The following CD86 variants were observed in gnomAD, a reference collection of about 807,000 sequenced individuals.
CD86 encodes T-lymphocyte activation antigen CD86.
Under a neutral mutation model 32.1 loss-of-function variants are expected in CD86, and 11 were observed. That is an observed-to-expected ratio of 0.34 (90% confidence interval 0.22 to 0.57). The LOEUF is 0.57. Ranked by LOEUF, CD86 falls within the 20% of genes least tolerant of loss-of-function variation. CD86 has a pLI of 0.86. For synonymous variants in CD86, 137 were observed against 135.3 expected (o/e 1.01, Z -0.09); for missense variants, 359 against 398.4 (o/e 0.90, Z 0.84).
At chr3:122,113,538 A>G (rs1338913264) in intron 5 of CD86, among the ~76,000 whole-genome samples, 1 of 152,152 alleles carries the variant, frequency 6.6e-6, no homozygotes, top group Non-Finnish European at 1.5e-5. Context: ...TTTTTTAATA[A>G]TGGCCATTCT....
At position 122,065,507 on chromosome 3, in the gene CD86, A is replaced by T. The variant is rs75158333; in HGVS notation, c.14+10004A>T. 6.6e-4 allele frequency among the ~76,000 whole-genome samples: 100 copies of T among 152,360 alleles called. 1 individual carries two copies. In the East Asian group the frequency reaches 0.017, roughly 25 times the overall value. On this transcript the variant is annotated intron_variant, in intron 1 of 6. Transcript: ENST00000330540. ...CTGGAGAATTAGAATATCTAGTAACAGTGTGCTAATAATCCCACATGGTAA... is the reference window on the plus strand; with the variant it reads ...CTGGAGAATTAGAATATCTAGTAACTGTGTGCTAATAATCCCACATGGTAA...
In CD86 at chr3:122,110,206, C is replaced by T. The variant is rs1030404624; in HGVS notation, c.847+798C>T. ...TGCAAGATATTCCCTTTTGTGGATA[C>T]ACCATAATTTATTTATTTAACCAAC... On this transcript the variant is annotated intron_variant, in intron 5 of 6. Transcript: ENST00000330540. 6.6e-5 allele frequency among the ~76,000 whole-genome samples: 10 copies of T among 152,330 alleles called. 1 individual carries two copies. Among genetic ancestry groups the T allele is most frequent in the Middle Eastern group, 3.4e-3 (1 of 294 alleles).
At chr3:122,085,185 A>C (rs2072696744) in intron 1 of CD86, among the ~76,000 whole-genome samples, 1 of 152,224 alleles carries the variant, frequency 6.6e-6, no homozygotes, top group Non-Finnish European at 1.5e-5. Context: ...ATGAGTAATA[A>C]CTGTATCAAT....
At chr3:122,096,930 G>C (rs2072917504) in intron 2 of CD86, among the ~76,000 whole-genome samples, 2 of 152,184 alleles carry the variant, frequency 1.3e-5, no homozygotes, top group African/African-American at 2.4e-5. Context: ...TTGTGCACAT[G>C]TATCTTTTTG....
intron 4 of CD86, 68 bp from the exon 5 acceptor site, chr3:122,109,197 A>G (rs1326945996): frequency 6.6e-7 from 1 of 1,513,442 alleles, no homozygotes; most frequent in East Asian, 2.3e-5. Context: ...AATAAAGAGA[A>G]GAGCAGCTAG....
In CD86 at chr3:122,109,559, T is replaced by C; in HGVS notation, c.847+151T>C. 3 of 811,458 alleles carry C rather than the reference T, an allele frequency of 3.7e-6. No individual in the cohort carries two copies. The South Asian group carries it at 4.6e-5, about 13-fold the overall frequency. 50.3% of individuals were successfully genotyped at this position (811,458 alleles called of 1,614,324 possible). On this transcript the variant is annotated intron_variant, in intron 5 of 6. Coordinates refer to ENST00000330540, the MANE Select transcript of CD86 (RefSeq NM_175862.5). Reference sequence around the variant, plus strand: ...AGGTTTTCCCTTGGAGTTTTGAGCCTATACAGACTGGCAGTAGCAGATAAT... The same window carrying C: ...AGGTTTTCCCTTGGAGTTTTGAGCCCATACAGACTGGCAGTAGCAGATAAT...
chr3:122,057,633 G>T (rs115989130), intron 1 of CD86, among the ~76,000 whole-genome samples: 3,833 of 152,114 alleles, frequency 0.025, 79 homozygotes, highest in Middle Eastern at 0.037. Flanking sequence ...ACAATAGCTG[G>T]TTTTTTTCAG....
chr3:122,101,199 C>T (rs1183642815), intron 2 of CD86, among the ~76,000 whole-genome samples: 1 of 151,960 alleles, frequency 6.6e-6, no homozygotes, highest in Non-Finnish European at 1.5e-5. Context: ...GAGACAGAGG[C>T]AGAGATTCTC....
At chr3:122,102,550 G>C (rs1453779060) in intron 2 of CD86, among the ~76,000 whole-genome samples, 1 of 149,896 alleles carries the variant, frequency 6.7e-6, no homozygotes, top group African/African-American at 2.5e-5. Flanking sequence ...GTGTCCTCAA[G>C]GACTAAAGCC....
rs114806595 is a variant in CD86 at position 122,099,245 on chromosome 3, C to T, written c.65-4267C>T. ...ATGCCAACACTTGCATTTGACACAGCGGTCAAATGAGTTGAGATCTGAAAA... is the reference window on the plus strand; with the variant it reads ...ATGCCAACACTTGCATTTGACACAGTGGTCAAATGAGTTGAGATCTGAAAA... On this transcript the variant is annotated intron_variant, in intron 2 of 6. Coordinates refer to ENST00000330540, the MANE Select transcript of CD86 (RefSeq NM_175862.5). Among the ~76,000 whole-genome samples, 501 of 149,774 alleles carry T rather than the reference C, an allele frequency of 3.3e-3. 3 individuals carry two copies. The highest frequency in any genetic ancestry group is 0.01 in the African/African-American group (423 of 40,710).
chr3:122,060,650 A>T (rs2072319893), intron 1 of CD86, among the ~76,000 whole-genome samples: 1 of 152,322 alleles, frequency 6.6e-6, no homozygotes, highest in African/African-American at 2.4e-5. Context: ...AAATTAAAAA[A>T]AAAGGCTAAC....
intron 2 of CD86, chr3:122,091,991 G>T (rs2072831614): frequency 1.4e-5 from 3 of 221,684 alleles, no homozygotes; most frequent in Non-Finnish European, 2.7e-5. Flanking sequence ...TGACTCTTTT[G>T]TTCCACACAT....
rs930483312 is a variant in CD86 at position 122,120,085 on chromosome 3, A to G, written c.*551A>G. 6.6e-6 allele frequency: 1 copy of G among 152,528 alleles called. No individual in the cohort carries two copies. The highest frequency in any genetic ancestry group is 2.4e-5 in the African/African-American group (1 of 41,428). 9.4% of individuals were successfully genotyped at this position (152,528 alleles called of 1,614,324 possible). On this transcript the variant is annotated 3_prime_UTR_variant, in exon 7 of 7. Transcript: ENST00000330540. ...ATTACTATGCTCTAGAGAAAAGTCT[A>G]CCCCTGCTAAGGAGTTCTCATCCCT...
At chr3:122,115,464 A>G (rs542736284) in intron 5 of CD86, among the ~76,000 whole-genome samples, 4 of 152,320 alleles carry the variant, frequency 2.6e-5, no homozygotes, top group South Asian at 2.1e-4. Flanking sequence ...TGTAATCACA[A>G]TCAAAATCCT....
chr3:122,098,603 G>A (rs1450852686), intron 2 of CD86, among the ~76,000 whole-genome samples: 4 of 152,208 alleles, frequency 2.6e-5, no homozygotes. Flanking sequence ...CTGAACAGGA[G>A]GATTATGTGA....
chr3:122,071,182 T>C (rs1414186562), intron 1 of CD86, among the ~76,000 whole-genome samples: 2 of 152,158 alleles, frequency 1.3e-5, no homozygotes, highest in Non-Finnish European at 2.9e-5. Flanking sequence ...GTTGTACAGT[T>C]CTATGGATTT....
intron 5 of CD86, among the ~76,000 whole-genome samples, chr3:122,114,227 G>C (rs917614036): frequency 6.6e-6 from 1 of 151,598 alleles, no homozygotes; most frequent in Non-Finnish European, 1.5e-5. Flanking sequence ...CTCCAGCCTG[G>C]GTGACAGAAG....
intron 1 of CD86, among the ~76,000 whole-genome samples, chr3:122,062,597 T>C (rs544675975): frequency 4.1e-4 from 62 of 152,306 alleles, no homozygotes; most frequent in African/African-American, 1.4e-3. Flanking sequence ...TTCCTATTTG[T>C]CTGTAGGCAG....
At chr3:122,073,895 C>G (rs1041115188) in intron 1 of CD86, among the ~76,000 whole-genome samples, 1 of 152,228 alleles carries the variant, frequency 6.6e-6, no homozygotes, top group African/African-American at 2.4e-5. Context: ...CTTAATCCCA[C>G]TGGTGAGCCT....
Sources: gnomAD v4.1 joint callset for allele counts (sites outside exome capture counted in the v4.1 genomes callset) on GRCh38, gnomAD v4.1.1 for gene constraint, MANE v1.5 for transcripts, NCBI Gene and HGNC (gene_info 2026-07-23, HGNC 2026-07-21) for gene names.